The following ATXN10 variants were observed in gnomAD, a reference collection of about 807,000 sequenced individuals.
ATXN10 encodes ataxin-10.
In ATXN10, 28 loss-of-function variants were observed where a neutral mutation model predicts 52.9. The observed-to-expected ratio is 0.53, with a 90% confidence interval of 0.39 to 0.73. ATXN10 has a LOEUF of 0.73. ATXN10 is among the 30% of genes least tolerant of loss of function. The pLI is 0.00. For missense variants in ATXN10, 565 were observed against 577.0 expected (o/e 0.98, Z 0.21); for synonymous variants, 226 against 221.5 (o/e 1.02, Z -0.18).
intron 7 of ATXN10, among the ~76,000 whole-genome samples, chr22:45,731,532 A>G (rs979924139): frequency 1.2e-4 from 19 of 152,194 alleles, no homozygotes; most frequent in African/African-American, 4.1e-4. Flanking sequence ...GCTGATATGA[A>G]TGGTCAGGTA....
chr22:45,792,249 G>A (rs1265889109), intron 9 of ATXN10, among the ~76,000 whole-genome samples: 5 of 152,090 alleles, frequency 3.3e-5, no homozygotes, highest in Non-Finnish European at 5.9e-5. Context: ...CTTAAATTTA[G>A]TACCTAAAAT....
chr22:45,701,011 C>G lies in ATXN10; in HGVS notation c.488+633C>G, dbSNP rs938183073. On this transcript the variant is annotated intron_variant, in intron 4 of 11. Transcript: ENST00000252934. This position sits in a 1 kb window ranked among gnomAD's most constrained non-coding sequence, Gnocchi z 4.2. Reference sequence around the variant, plus strand: ...CCAGCTCTGTTCATAAGAAATTGAGCATTGAGGTAAAAGGTGAGCAGGGAA... The same window carrying G: ...CCAGCTCTGTTCATAAGAAATTGAGGATTGAGGTAAAAGGTGAGCAGGGAA... Among the ~76,000 whole-genome samples, 2 of 152,080 alleles carry G rather than the reference C, an allele frequency of 1.3e-5. No individual in the cohort carries two copies. Among genetic ancestry groups the G allele is most frequent in the Non-Finnish European group, 2.9e-5 (2 of 68,024 alleles).
chr22:45,723,141 T>TTATATATATATATGTGTGTGTGTG (rs1924724638), intron 6 of ATXN10, among the ~76,000 whole-genome samples: 1 of 151,132 alleles, frequency 6.6e-6, no homozygotes, highest in Admixed American at 6.6e-5. Context: ...GTGTGTGTGT[T>TTATATATATATATGTGTGTGTGTG]TATATATATA....
At chr22:45,697,077 T>C (rs181476102) in intron 3 of ATXN10, among the ~76,000 whole-genome samples, 1 of 152,318 alleles carries the variant, frequency 6.6e-6, no homozygotes, top group Non-Finnish European at 1.5e-5. Flanking sequence ...AAGTGAACAA[T>C]CGAGTGGCAT....
rs1408309773 is a variant in ATXN10 at position 45,770,748 on chromosome 22, G to A, written c.1173+30210G>A. Reference sequence around the variant, plus strand: ...CTGAAGAGGGCTTCTCAAAGAAAGGGGAGCTAAGGGCAGGATCCAGCCACG... The same window carrying A: ...CTGAAGAGGGCTTCTCAAAGAAAGGAGAGCTAAGGGCAGGATCCAGCCACG... On this transcript the variant is annotated intron_variant, in intron 9 of 11. Coordinates refer to ENST00000252934, the MANE Select transcript of ATXN10 (RefSeq NM_013236.4). The surrounding 1 kb of genome is among the most constrained non-coding windows in gnomAD (Gnocchi z 4.5). Among the ~76,000 whole-genome samples, 1 of 152,222 alleles carries A rather than the reference G, an allele frequency of 6.6e-6. No homozygotes were observed. The highest frequency in any genetic ancestry group is 2.4e-5 in the African/African-American group (1 of 41,462).
At chr22:45,764,336 G>A (rs941538924) in intron 9 of ATXN10, among the ~76,000 whole-genome samples, 2 of 151,832 alleles carry the variant, frequency 1.3e-5, no homozygotes. Context: ...CATTACCAGG[G>A]CTCCTGGTAA....
At chr22:45,729,788 T>C (rs765937326) in intron 7 of ATXN10, 198 bp downstream of exon 7, 1 of 667,166 alleles carries the variant, frequency 1.5e-6, no homozygotes, top group South Asian at 1.6e-5. Context: ...GTCAATGACT[T>C]AGGCAAATTC....
chr22:45,831,063 A>G (rs1365519947), intron 10 of ATXN10, among the ~76,000 whole-genome samples: 1 of 152,228 alleles, frequency 6.6e-6, no homozygotes, highest in East Asian at 1.9e-4. Flanking sequence ...ACACACTACA[A>G]CATGGATGAA....
At chr22:45,699,186 G>A (rs1279302201) in intron 3 of ATXN10, among the ~76,000 whole-genome samples, 1 of 151,996 alleles carries the variant, frequency 6.6e-6, no homozygotes, top group Non-Finnish European at 1.5e-5. Context: ...GATTTTTGAG[G>A]GTCTTCATAA....
rs1924020606 is a variant in ATXN10, at chr22:45,705,880, G to A, written c.647+3033G>A. Among the ~76,000 whole-genome samples, 2 of 152,234 alleles carry A rather than the reference G, an allele frequency of 1.3e-5. No individual in the cohort carries two copies. Among genetic ancestry groups the A allele is most frequent in the Non-Finnish European group, 1.5e-5 (1 of 68,016 alleles). On this transcript the variant is annotated intron_variant, in intron 5 of 11. Transcript: ENST00000252934. This position sits in a 1 kb window ranked among gnomAD's most constrained non-coding sequence, Gnocchi z 5.2. ...CTGGTACCTGTCCATGGCCTGTTAG[G>A]AACAGGACCACATAGCACAAGATAA... is the stretch of plus-strand genomic sequence containing the variant.
intron 10 of ATXN10, among the ~76,000 whole-genome samples, chr22:45,831,806 T>C (rs999523405): frequency 6.6e-6 from 1 of 152,218 alleles, no homozygotes; most frequent in Admixed American, 6.5e-5. Context: ...CTCCCCCTCA[T>C]TGGCGAAAGG....
rs57419909 is a variant in ATXN10, at chr22:45,715,277, TA to T, written c.648-3135del. On this transcript the variant is annotated intron_variant, in intron 5 of 11. Transcript: ENST00000252934. This position sits in a 1 kb window ranked among gnomAD's most constrained non-coding sequence, Gnocchi z 4.4. ...TTGTCTGGTTTTATGTTGTTTAAGGTAGGGGGTAAATTGTTATTCCATTATG... is the reference window on the plus strand; with the variant it reads ...TTGTCTGGTTTTATGTTGTTTAAGGTGGGGGTAAATTGTTATTCCATTATG... Among the ~76,000 whole-genome samples the T allele has an allele frequency of 0.27, 41,663 of 152,076 alleles. 6,414 individuals are homozygous for T. Among genetic ancestry groups the T allele is most frequent in the East Asian group, 0.48 (2,474 of 5,178 alleles).
chr22:45,842,652 CTGTG>C lies in ATXN10; in HGVS notation c.1238-331_1238-328del, dbSNP rs947360617. 2.0e-5 allele frequency among the ~76,000 whole-genome samples: 3 copies of C among 152,060 alleles called. No individual in the cohort carries two copies. The highest frequency in any genetic ancestry group is 1.3e-4 in the Admixed American group (2 of 15,284). ...TGTGTGTGCACGCACACACGTTTGC[CTGTG>C]TGTGTGTTCTTGGGTTCATAAACTT... On this transcript the variant is annotated intron_variant, in intron 10 of 11. Coordinates refer to ENST00000252934, the MANE Select transcript of ATXN10 (RefSeq NM_013236.4). This position sits in a 1 kb window ranked among gnomAD's most constrained non-coding sequence, Gnocchi z 4.8.
intron 1 of ATXN10, chr22:45,675,885 A>AT (rs1273259919): frequency 1.4e-4 from 22 of 152,212 alleles, no homozygotes; most frequent in African/African-American, 5.3e-4. Flanking sequence ...GCTTATGGTC[A>AT]TATAATATCA....
At chr22:45,804,093 G>A (rs1044783789) in intron 9 of ATXN10, among the ~76,000 whole-genome samples, 3 of 152,158 alleles carry the variant, frequency 2.0e-5, no homozygotes, top group Admixed American at 1.3e-4. Context: ...AAATTTCATC[G>A]TAAGATTCAG....
chr22:45,753,986 G>C (rs1028171789), intron 9 of ATXN10, among the ~76,000 whole-genome samples: 2 of 152,192 alleles, frequency 1.3e-5, no homozygotes, highest in African/African-American at 2.4e-5. Context: ...CTAGCCTCCA[G>C]GAACCTTGTC....
chr22:45,790,281 TG>T lies in ATXN10; in HGVS notation c.1174-16676del, dbSNP rs1329651443. Among the ~76,000 whole-genome samples the T allele has an allele frequency of 6.6e-6, 1 of 152,184 alleles. No individual in the cohort carries two copies. Among genetic ancestry groups the T allele is most frequent in the African/African-American group, 2.4e-5 (1 of 41,440 alleles). ...GGACTGTCTCTTGCCGGAATGTGTG[TG>T]GTTCTTTCAGGAACACCCAATACCA... On this transcript the variant is annotated intron_variant, in intron 9 of 11. Coordinates refer to ENST00000252934, the MANE Select transcript of ATXN10 (RefSeq NM_013236.4). This position sits in a 1 kb window ranked among gnomAD's most constrained non-coding sequence, Gnocchi z 4.7.
Position 45,800,566 on chromosome 22 carries a change from A to G in ATXN10, c.1174-6393A>G, listed in dbSNP as rs73444693. 8.6e-3 allele frequency among the ~76,000 whole-genome samples: 1,317 copies of G among 152,340 alleles called. 11 individuals are homozygous for G. Among genetic ancestry groups the G allele is most frequent in the African/African-American group, 0.03 (1,236 of 41,576 alleles). ...CTTAATAAAGTTGAACATATACTTC[A>G]TATGACCCAGCAATTTCATTCGTAG... On this transcript the variant is annotated intron_variant, in intron 9 of 11. Coordinates refer to ENST00000252934, the MANE Select transcript of ATXN10 (RefSeq NM_013236.4).
At chr22:45,700,244 CATTT>C (rs773641734) in intron 3 of ATXN10, 34 bp from the exon 4 acceptor site, 19 of 1,285,898 alleles carry the variant, frequency 1.5e-5, no homozygotes, top group East Asian at 2.5e-5. Flanking sequence ...TGTGTTTAAT[CATTT>C]ATTTATTTAT....
Sources: gnomAD v4.1 joint callset for allele counts (sites outside exome capture counted in the v4.1 genomes callset) on GRCh38, gnomAD v4.1.1 for gene constraint, Gnocchi (gnomAD v3.1) non-coding constraint, MANE v1.5 for transcripts, NCBI Gene and HGNC (gene_info 2026-07-23, HGNC 2026-07-21) for gene names.